The following KRT26 variants were observed in gnomAD, a reference collection of about 807,000 sequenced individuals.
KRT26 encodes keratin, type I cytoskeletal 26.
A neutral mutation model predicts 46.1 loss-of-function variants in KRT26; 45 were observed. That is an observed-to-expected ratio of 0.98 (90% CI 0.77 to 1.25). The LOEUF (loss-of-function observed/expected upper bound fraction) is 1.25, where lower values mean the gene tolerates loss of function less well. Ranked by LOEUF, KRT26 falls within the 50% of genes most tolerant of loss-of-function variation. The pLI, the probability that KRT26 is intolerant of heterozygous loss-of-function variation, is 0.00. For missense variants in KRT26, 582 were observed against 560.1 expected, an observed-to-expected ratio of 1.04 and a Z score of -0.39; for synonymous variants, 191 against 209.9, an observed-to-expected ratio of 0.91 and a Z score of 0.78.
At chr17:40,769,912 G>T (rs752735780) in intron 4 of KRT26, 33 bp from the exon 5 acceptor site, 10 of 1,614,036 alleles carry the variant, frequency 6.2e-6, no homozygotes, top group Non-Finnish European at 7.6e-6. Flanking sequence ...GTTAGTGACT[G>T]GCCTGATTGT....
chr17:40,769,113 G>T lies in KRT26; in HGVS notation c.970-17C>A. On this transcript the variant is annotated splice_polypyrimidine_tract_variant and intron_variant, in intron 5 of 7. Transcript: ENST00000335552. ...GGAATGTTTCTGAAAGAAAAGCAAA[G>T]TGAAGCTTGAATGTGTAAAAGAGAA... The T allele has an allele frequency of 1.9e-6, 3 of 1,543,822 alleles. No individual in the cohort carries two copies. The highest frequency in any genetic ancestry group is 2.3e-5 in the South Asian group (2 of 88,798).
exon 6 of KRT26, chr17:40,768,987 C>T (rs138784431): frequency 1.1e-4 from 184 of 1,613,098 alleles, no homozygotes; most frequent in Middle Eastern, 1.6e-4. Context: ...TGTTTCTGTT[C>T]GAATCTGTTG....
rs755652567 is a variant in KRT26 at position 40,768,860 on chromosome 17, T to C, written c.1187+19A>G. 7.2e-7 allele frequency: 1 copy of C among 1,387,786 alleles called. No individual in the cohort carries two copies. Among genetic ancestry groups the C allele is most frequent in the Admixed American group, 2.3e-5 (1 of 43,176 alleles). 86.0% of individuals were successfully genotyped at this position (1,387,786 alleles called of 1,614,324 possible). A position where few individuals can be genotyped will look rare whatever the true frequency, so the allele number is the denominator to read the frequency against. On this transcript the variant is annotated intron_variant, in intron 6 of 7. Transcript: ENST00000335552. ...AGTTAATGTGAGGTTTTTTTTTTTT[T>C]TTGCAAGTTAATCTTTACCTTTCTT...
exon 1 of KRT26, chr17:40,771,823 G>A (rs143352947): frequency 1.0e-3 from 1,634 of 1,614,190 alleles, no homozygotes; most frequent in Non-Finnish European, 1.2e-3. Context: ...CATGGTCCAG[G>A]TAGGATGCCA....
chr17:40,770,210 G>A, intron 3 of KRT26, 43 bp downstream of exon 3: 3 of 1,613,794 alleles, frequency 1.9e-6, no homozygotes, highest in Non-Finnish European at 2.5e-6. Context: ...ACTTCAAGAA[G>A]GAAATTAGAA....
intron 2 of KRT26, among the ~76,000 whole-genome samples, 164 bp from the exon 3 acceptor site, chr17:40,770,573 G>A (rs2038215163): frequency 6.6e-6 from 1 of 152,230 alleles, no homozygotes; most frequent in Non-Finnish European, 1.5e-5. Flanking sequence ...AACAATTCAT[G>A]AATTGTATTT....
chr17:40,772,138 C>T, exon 1 of KRT26: 2 of 1,604,962 alleles, frequency 1.2e-6, no homozygotes, highest in South Asian at 2.2e-5. Context: ...CGGGCAACCC[C>T]TTCCCAGAAA....
intron 5 of KRT26, among the ~76,000 whole-genome samples, chr17:40,769,354 A>G (rs1302985398): frequency 6.6e-6 from 1 of 152,024 alleles, no homozygotes; most frequent in African/African-American, 2.4e-5. Context: ...ATGGGGTTTC[A>G]CCATGTTGGC....
At chr17:40,771,748 A>C in exon 1 of KRT26, 1 of 1,614,208 alleles carries the variant, frequency 6.2e-7, no homozygotes, top group South Asian at 1.1e-5. Context: ...AGCCAGGCTC[A>C]CATTTCTCGT....
chr17:40,767,500 T>A, intron 7 of KRT26, 86 bp downstream of exon 7: 1 of 770,530 alleles, frequency 1.3e-6, no homozygotes. Flanking sequence ...AAAAACAAAT[T>A]TTATTTAGTT....
chr17:40,769,920 T>A, intron 4 of KRT26, 41 bp from the exon 5 acceptor site: 1 of 1,614,168 alleles, frequency 6.2e-7, no homozygotes, highest in South Asian at 1.1e-5. Context: ...CTGGCCTGAT[T>A]GTCTCCTGAG....
In KRT26 at chr17:40,766,683, A is replaced by G. The variant is rs773285102; in HGVS notation, c.1256-17T>C. 1 of 1,581,620 alleles carries G rather than the reference A, an allele frequency of 6.3e-7. No individual in the cohort carries two copies. The highest frequency in any genetic ancestry group is 8.7e-7 in the Non-Finnish European group (1 of 1,155,928). ...CTGTTGAGTCTAAAATAAAATAAATAAAACATTAGTGGTCATTTTTTAACA... is the reference window on the plus strand; with the variant it reads ...CTGTTGAGTCTAAAATAAAATAAATGAAACATTAGTGGTCATTTTTTAACA... On this transcript the variant is annotated splice_polypyrimidine_tract_variant and intron_variant, in intron 7 of 7. Coordinates refer to ENST00000335552, the Ensembl canonical transcript of KRT26.
chr17:40,772,196 C>A, upstream of KRT26: 2 of 1,091,594 alleles, frequency 1.8e-6, no homozygotes, highest in Non-Finnish European at 2.7e-6. Flanking sequence ...GCTCCCTTGG[C>A]CTTTTATAGT....
rs1308833700 is a variant in KRT26, at chr17:40,769,741, G to T, written c.969+13C>A. 10 of 1,613,720 alleles carry T rather than the reference G, an allele frequency of 6.2e-6. No homozygotes were observed. In the African/African-American group the frequency reaches 8.0e-5, roughly 13 times the overall value. On this transcript the variant is annotated intron_variant, in intron 5 of 7. Coordinates refer to ENST00000335552, the Ensembl canonical transcript of KRT26. ...TCACACATATATTCAATTCAATGGC[G>T]ATTCCTACGTACCACAGCCATGAGG... is the stretch of plus-strand genomic sequence containing the variant.
At chr17:40,766,267 C>T in exon 8 of KRT26, 1 of 313,630 alleles carries the variant, frequency 3.2e-6, no homozygotes, top group Non-Finnish European at 5.7e-6. Context: ...AATGAAATGT[C>T]AAAAAAGGCC....
Position 40,768,863 on chromosome 17 carries a change from G to A in KRT26, c.1187+16C>T. 2.5e-6 allele frequency: 2 copies of A among 795,420 alleles called. No homozygotes were observed. The highest frequency in any genetic ancestry group is 4.0e-5 in the Admixed American group (1 of 25,138). 49.3% of individuals were successfully genotyped at this position (795,420 alleles called of 1,614,324 possible). ...TAATGTGAGGTTTTTTTTTTTTTTT[G>A]CAAGTTAATCTTTACCTTTCTTCTC... On this transcript the variant is annotated intron_variant, in intron 6 of 7. Transcript: ENST00000335552.
At chr17:40,767,091 A>G (rs1204834440) in intron 7 of KRT26, among the ~76,000 whole-genome samples, 1 of 152,214 alleles carries the variant, frequency 6.6e-6, no homozygotes, top group Non-Finnish European at 1.5e-5. Context: ...GTAAATCGAT[A>G]TATAATACTG....
chr17:40,769,609 G>C, intron 5 of KRT26, 145 bp downstream of exon 5: 2 of 880,712 alleles, frequency 2.3e-6, no homozygotes, highest in Non-Finnish European at 3.4e-6. Context: ...TGAGTTTAGG[G>C]ACAGAATTCT....
chr17:40,768,853 T>C (rs1432145665), intron 6 of KRT26, 26 bp downstream of exon 6: 1 of 1,337,398 alleles, frequency 7.5e-7, no homozygotes, highest in South Asian at 1.4e-5. Context: ...TGAGGTTTTT[T>C]TTTTTTTTTG....
Sources: gnomAD v4.1 joint callset for allele counts (sites outside exome capture counted in the v4.1 genomes callset) on GRCh38, gnomAD v4.1.1 for gene constraint, MANE v1.5 for transcripts, NCBI Gene and HGNC (gene_info 2026-07-23, HGNC 2026-07-21) for gene names.